Variants in PGPEP1 observed in about 807,000 individuals in gnomAD.
PGPEP1 encodes the protein pyroglutamyl-peptidase 1.
In PGPEP1, 15 loss-of-function variants were observed where a neutral mutation model predicts 24.1. The observed-to-expected ratio is 0.62, with a 90% CI of 0.42 to 0.96. The LOEUF (loss-of-function observed/expected upper bound fraction) is 0.96. PGPEP1 is among the 40% of genes least tolerant of loss of function. The pLI, the probability that PGPEP1 is intolerant of heterozygous loss-of-function variation, is 0.00. For missense variants in PGPEP1, 242 were observed against 273.4 expected (o/e 0.89, Z 0.81); for synonymous variants, 122 against 116.4 (o/e 1.05, Z -0.31).
intron 2 of PGPEP1, among the ~76,000 whole-genome samples, chr19:18,345,398 TAAAC>T (rs1970801535): frequency 1.3e-5 from 2 of 151,738 alleles, no homozygotes; most frequent in Middle Eastern, 3.4e-3. Context: ...TTGTTTCACT[TAAAC>T]AAAACAAAAC....
At chr19:18,359,177 A>G (rs8107734) in intron 4 of PGPEP1, among the ~76,000 whole-genome samples, 112,902 of 151,710 alleles carry the variant, frequency 0.74, 42,336 homozygotes, top group South Asian at 0.83. Context: ...CTTGGAGTTC[A>G]AGGCTGCAGT....
intron 4 of PGPEP1, among the ~76,000 whole-genome samples, chr19:18,360,265 A>G (rs998882722): frequency 6.6e-6 from 1 of 152,174 alleles, no homozygotes; most frequent in Non-Finnish European, 1.5e-5. Context: ...CGGCCTCCCA[A>G]AGTGCTGGGA....
Position 18,364,145 on chromosome 19 carries a change from C to CTTTCT in PGPEP1, c.*563_*564insTTCTT, listed in dbSNP as rs1568321269. 4.8e-4 allele frequency: 21 copies of CTTTCT among 44,084 alleles called. No homozygotes were observed. Among genetic ancestry groups the CTTTCT allele is most frequent in the African/African-American group, 3.2e-3 (21 of 6,630 alleles). The allele number at this position is 44,084 out of a possible 1,614,324, so 2.7% of individuals were successfully genotyped here. On this transcript the variant is annotated 3_prime_UTR_variant, in exon 5 of 5. Transcript: ENST00000269919. ...CTTTCTTTCTTGCTTTCTTTCTTCTCTCTCTCTCTTTTTTTTTTTTTTTAA... is the reference window on the plus strand; with the variant it reads ...CTTTCTTTCTTGCTTTCTTTCTTCTCTTTCTTCTCTCTCTTTTTTTTTTTTTTTAA...
In PGPEP1 at chr19:18,355,945, G is replaced by A. The variant is rs148399032; in HGVS notation, c.138G>A (p.Glu46=). 2.3e-4 allele frequency: 368 copies of A among 1,613,730 alleles called. 1 individual carries two copies. The African/African-American group carries it at 4.3e-3, about 19-fold the overall frequency. ...ACAGCGTGGACCTGCATGTGTACGA[G>A]ATTCCGGTTGAGTACCAAACAGTCC... ...LGDSVDLHVY[E]IPVEYQTVQR... The change falls in exon 3 of 5, where the codon GAG becomes GAA. Residue 46 remains glutamate (E), a synonymous_variant. Coordinates refer to ENST00000269919, the MANE Select transcript of PGPEP1 (RefSeq NM_017712.4).
chr19:18,359,560 T>C (rs1163024876), intron 4 of PGPEP1, among the ~76,000 whole-genome samples: 3 of 148,108 alleles, frequency 2.0e-5, no homozygotes, highest in African/African-American at 5.0e-5. Flanking sequence ...CAGGCTGGAG[T>C]GCATTGGCGC....
intron 2 of PGPEP1, among the ~76,000 whole-genome samples, chr19:18,352,136 C>G (rs1459571736): frequency 6.6e-6 from 1 of 151,424 alleles, no homozygotes; most frequent in Non-Finnish European, 1.5e-5. Context: ...GCCGGGCATG[C>G]TGGTGGGTGC....
At chr19:18,350,304 C>T (rs577972156) in intron 2 of PGPEP1, among the ~76,000 whole-genome samples, 127 of 152,190 alleles carry the variant, frequency 8.3e-4, no homozygotes, top group Non-Finnish European at 1.5e-3. Flanking sequence ...GGATTACAGG[C>T]ATGAGCCACT....
At chr19:18,347,034 T>G (rs2144537061) in intron 2 of PGPEP1, among the ~76,000 whole-genome samples, 1 of 151,746 alleles carries the variant, frequency 6.6e-6, no homozygotes, top group Middle Eastern at 3.4e-3. Flanking sequence ...CGTCCCTTCT[T>G]TCTCTCTCCG....
chr19:18,357,024 C>T (rs775497414), intron 3 of PGPEP1, among the ~76,000 whole-genome samples: 12 of 152,240 alleles, frequency 7.9e-5, no homozygotes, highest in Non-Finnish European at 1.6e-4. Flanking sequence ...GGCGACAGAG[C>T]AAGACTCCAT....
chr19:18,355,993 G>T lies in PGPEP1; in HGVS notation c.186G>T (p.Trp62Cys). 2 of 1,609,730 alleles carry T rather than the reference G, an allele frequency of 1.2e-6. No individual in the cohort carries two copies. The highest frequency in any genetic ancestry group is 2.2e-5 in the South Asian group (2 of 91,002). ...QTVQRLIPAL[W>C]EKHSPQLVVH... is the part of the protein sequence containing the mutation. ...TCCAGAGACTCATCCCCGCCCTGTG[G>T]GAGAAGCACAGTCCACAGGTGAGTG... Residue 62 changes from tryptophan (W) to cysteine (C), a missense_variant, in exon 3 of 5, where the codon TGG becomes TGT. Trp to Cys is a radical substitution (Grantham distance 215). Transcript: ENST00000269919.
chr19:18,349,906 T>C (rs1473206328), intron 2 of PGPEP1, among the ~76,000 whole-genome samples: 1 of 152,190 alleles, frequency 6.6e-6, no homozygotes, highest in Non-Finnish European at 1.5e-5. Context: ...TTTTTGGTCT[T>C]TTTTCGAGAT....
chr19:18,363,047 G>GTGTGTGTGTA (rs1462586482), intron 4 of PGPEP1, among the ~76,000 whole-genome samples: 2 of 150,980 alleles, frequency 1.3e-5, no homozygotes, highest in Non-Finnish European at 3.0e-5. Context: ...GTGTGTGTGT[G>GTGTGTGTGTA]TGTGTGTGTG....
chr19:18,346,970 C>T (rs1970866799), intron 2 of PGPEP1, among the ~76,000 whole-genome samples: 1 of 151,632 alleles, frequency 6.6e-6, no homozygotes, highest in Admixed American at 6.6e-5. Flanking sequence ...TCTTCCTCTC[C>T]CTCTCGTCTC....
At chr19:18,362,708 A>G (rs572384609) in intron 4 of PGPEP1, among the ~76,000 whole-genome samples, 2 of 148,818 alleles carry the variant, frequency 1.3e-5, no homozygotes, top group East Asian at 2.0e-4. Context: ...AACCTGAGCA[A>G]CAGAGCAGAC....
chr19:18,358,786 T>C lies in PGPEP1; in HGVS notation c.437+1171T>C, dbSNP rs536343290. ...TGCATCACCAGACCCAGCAAATTTT[T>C]TGTATTTTTAGTAGAGATGGGGTTT... On this transcript the variant is annotated intron_variant, in intron 4 of 4. Coordinates refer to ENST00000269919, the MANE Select transcript of PGPEP1 (RefSeq NM_017712.4). 3.1e-4 allele frequency among the ~76,000 whole-genome samples: 47 copies of C among 151,066 alleles called. No homozygotes were observed. The East Asian group carries it at 8.7e-3, about 28-fold the overall frequency.
intron 4 of PGPEP1, 81 bp downstream of exon 4, chr19:18,357,696 T>A (rs979776469): frequency 2.9e-6 from 3 of 1,020,722 alleles, no homozygotes; most frequent in Non-Finnish European, 4.4e-6. Flanking sequence ...CCAAGCGTGT[T>A]GACCTTGGCC....
chr19:18,363,134 C>T (rs1415354308), intron 4 of PGPEP1, among the ~76,000 whole-genome samples: 1 of 151,592 alleles, frequency 6.6e-6, no homozygotes, highest in Non-Finnish European at 1.5e-5. Flanking sequence ...TGGCTCACTG[C>T]AGCCTTGACC....
At chr19:18,348,286 G>A (rs943407687) in intron 2 of PGPEP1, among the ~76,000 whole-genome samples, 3 of 152,130 alleles carry the variant, frequency 2.0e-5, no homozygotes, top group Non-Finnish European at 2.9e-5. Context: ...CACAGAACTT[G>A]GTAACATCAC....
chr19:18,364,082 G>GGCTT lies in PGPEP1; in HGVS notation c.*500_*503dup, dbSNP rs1491116277. ...CACCCTGGGATATGGCTGGCTGGCTGGCTTTCTTTCTTTCTTTCTTTCTTT... is the reference window on the plus strand; with the variant it reads ...CACCCTGGGATATGGCTGGCTGGCTGGCTTGCTTTCTTTCTTTCTTTCTTTCTTT... On this transcript the variant is annotated 3_prime_UTR_variant, in exon 5 of 5. Coordinates refer to ENST00000269919, the MANE Select transcript of PGPEP1 (RefSeq NM_017712.4). 0.31 allele frequency: 34,306 copies of GGCTT among 111,244 alleles called. 4,977 individuals carry two copies. The highest frequency in any genetic ancestry group is 0.36 in the Non-Finnish European group (20,554 of 56,588). The allele number at this position is 111,244 out of a possible 1,614,324, so 6.9% of individuals were successfully genotyped here. A position where few individuals can be genotyped will look rare whatever the true frequency, so the allele number is the denominator to read the frequency against.
Sources: allele counts gnomAD v4.1 joint callset (sites outside exome capture counted in the v4.1 genomes callset), GRCh38; gene constraint gnomAD v4.1.1; transcripts MANE v1.5; gene names NCBI Gene and HGNC (gene_info 2026-07-23, HGNC 2026-07-21).